ZNF385D: variants seen among roughly 807,000 people sequenced by gnomAD.
ZNF385D encodes the protein zinc finger protein 385D, also known as zinc finger protein 659.
In ZNF385D, 15 loss-of-function variants were observed where a neutral mutation model predicts 35.8. That is an observed-to-expected ratio of 0.42 (90% confidence interval 0.28 to 0.64). The LOEUF is 0.64. Among genes scored for constraint, ZNF385D ranks in the 30% least tolerant of loss-of-function variants. ZNF385D has a pLI of 0.23. For synonymous variants in ZNF385D, 212 were observed against 186.8 expected (o/e 1.13, Z -1.10); for missense variants, 474 against 494.6 (o/e 0.96, Z 0.39).
At chr3:22,168,939 G>C (rs1455659152) in exon 3 of ZNF385D, 1 of 985,822 alleles carries the variant, frequency 1.0e-6, no homozygotes, top group Non-Finnish European at 1.2e-6. Flanking sequence ...ATTGCACAAA[G>C]TAAAGTTGGT....
chr3:21,932,539 C>G (rs995801038), intron 3 of ZNF385D, among the ~76,000 whole-genome samples: 1 of 151,800 alleles, frequency 6.6e-6, no homozygotes, highest in Admixed American at 6.6e-5. Flanking sequence ...TAATCCCTGA[C>G]AAGTATCTGT....
In ZNF385D at chr3:21,412,977, A is replaced by G. The variant is rs1021546084; in HGVS notation, c.*8237T>C. 2 of 151,738 alleles carry G rather than the reference A, an allele frequency of 1.3e-5. No individual in the cohort carries two copies. Among genetic ancestry groups the G allele is most frequent in the African/African-American group, 4.9e-5 (2 of 41,228 alleles). 9.4% of individuals were successfully genotyped at this position (151,738 alleles called of 1,614,324 possible). On this transcript the variant is annotated 3_prime_UTR_variant, in exon 8 of 8. Coordinates refer to ENST00000281523, the MANE Select transcript of ZNF385D (RefSeq NM_024697.3). ...GGGGAGATGTTATCACATGACTTAA[A>G]ACAGAAGACTGGCATAAAACAAACT...
In ZNF385D at chr3:21,745,231, T is replaced by G. The variant is rs78020285; in HGVS notation, c.22+5664A>C. 5.2e-3 allele frequency among the ~76,000 whole-genome samples: 797 copies of G among 152,258 alleles called. 5 individuals carry two copies. The highest frequency in any genetic ancestry group is 8.9e-3 in the Non-Finnish European group (604 of 68,016). The stretch of plus-strand genomic sequence containing the variant: ...TCTGACCTTGGCCAGGTTACTTTTC[T>G]TTTTCCTCTCCACTTACAGAAATGT... On this transcript the variant is annotated intron_variant, in intron 1 of 7. Coordinates refer to ENST00000281523, the MANE Select transcript of ZNF385D (RefSeq NM_024697.3).
intron 3 of ZNF385D, among the ~76,000 whole-genome samples, chr3:21,804,863 CACTATTAT>C (rs200924201): frequency 0.61 from 92,613 of 151,546 alleles, 28,525 homozygotes; most frequent in African/African-American, 0.68. Context: ...TATACTTTAC[CACTATTAT>C]AAGAAAGAAC....
At chr3:22,122,967 T>C (rs74476324) in intron 3 of ZNF385D, among the ~76,000 whole-genome samples, 4,617 of 152,212 alleles carry the variant, frequency 0.03, 244 homozygotes, top group African/African-American at 0.11. Context: ...TAAGATCATA[T>C]AGGGCTTTGG....
rs1694534113 is a variant in ZNF385D at position 22,323,365 on chromosome 3, A to T, written c.106+49085T>A. Among the ~76,000 whole-genome samples, 3 of 152,162 alleles carry T rather than the reference A, an allele frequency of 2.0e-5. No homozygotes were observed. In the South Asian group the frequency reaches 6.2e-4, roughly 31 times the overall value. On this transcript the variant is annotated intron_variant, in intron 2 of 5. Transcript: ENST00000494108. The stretch of plus-strand genomic sequence containing the variant: ...ATGCTAATAAGGCCCCACAAAGTTC[A>T]TGATAGTAAGTAAGTAGATGAGACT...
chr3:21,954,537 G>T (rs1486397), intron 3 of ZNF385D, among the ~76,000 whole-genome samples: 131,059 of 151,974 alleles, frequency 0.86, 56,691 homozygotes, highest in East Asian at 0.98. Flanking sequence ...ATTTACACGG[G>T]ACCCCTAGGC....
chr3:22,261,694 G>A (rs1700640807), intron 2 of ZNF385D, among the ~76,000 whole-genome samples: 1 of 151,908 alleles, frequency 6.6e-6, no homozygotes, highest in South Asian at 2.1e-4. Context: ...GGGATGCGAG[G>A]TGGAAATTTT....
chr3:21,952,331 T>A (rs193088612), intron 3 of ZNF385D, among the ~76,000 whole-genome samples: 372 of 152,132 alleles, frequency 2.4e-3, no homozygotes, highest in Admixed American at 6.2e-3. Context: ...ATTTTCTTGA[T>A]CCTAAGACAC....
At chr3:22,060,909 T>TA (rs1699655111) in intron 3 of ZNF385D, among the ~76,000 whole-genome samples, 1 of 152,040 alleles carries the variant, frequency 6.6e-6, no homozygotes, top group Non-Finnish European at 1.5e-5. Context: ...GAAAAATCTA[T>TA]AAAAAATTTT....
chr3:22,126,625 C>T (rs907326702), intron 3 of ZNF385D, among the ~76,000 whole-genome samples: 5 of 151,856 alleles, frequency 3.3e-5, no homozygotes, highest in Non-Finnish European at 7.4e-5. Flanking sequence ...GAGAATGATC[C>T]GTATTCTGAG....
At chr3:21,845,996 C>T (rs999473655) in intron 3 of ZNF385D, among the ~76,000 whole-genome samples, 4 of 151,996 alleles carry the variant, frequency 2.6e-5, no homozygotes, top group Admixed American at 2.0e-4. Context: ...CTGAGACCTA[C>T]GCTACACTTC....
intron 3 of ZNF385D, among the ~76,000 whole-genome samples, chr3:21,756,742 T>C (rs2070356657): frequency 6.6e-6 from 1 of 152,198 alleles, no homozygotes; most frequent in East Asian, 1.9e-4. Flanking sequence ...TGTGTTGACA[T>C]ATGAATGACA....
At chr3:22,086,176 C>T (rs1446695985) in intron 3 of ZNF385D, among the ~76,000 whole-genome samples, 1 of 152,098 alleles carries the variant, frequency 6.6e-6, no homozygotes, top group Non-Finnish European at 1.5e-5. Context: ...CACTCCTATT[C>T]AACATAGTGT....
chr3:21,663,781 C>T (rs1202925257), intron 2 of ZNF385D, among the ~76,000 whole-genome samples: 2 of 150,374 alleles, frequency 1.3e-5, no homozygotes, highest in African/African-American at 2.4e-5. Context: ...CAAGGACTAG[C>T]ATATAGCTGT....
At chr3:21,994,959 C>A (rs1559830735) in intron 3 of ZNF385D, among the ~76,000 whole-genome samples, 3 of 152,176 alleles carry the variant, frequency 2.0e-5, no homozygotes, top group Admixed American at 1.3e-4. Context: ...AACACTTGAG[C>A]CCTCAGATGG....
At chr3:22,240,468 A>T (rs1230949968) in intron 2 of ZNF385D, among the ~76,000 whole-genome samples, 1 of 150,904 alleles carries the variant, frequency 6.6e-6, no homozygotes, top group Non-Finnish European at 1.5e-5. Flanking sequence ...TTTAGTTGTA[A>T]ACCTGGATCA....
chr3:21,688,370 A>G (rs564821137), intron 1 of ZNF385D, among the ~76,000 whole-genome samples: 2 of 152,294 alleles, frequency 1.3e-5, no homozygotes. Context: ...TTTATTATAA[A>G]TAAAGCTGAC....
chr3:22,272,937 G>A (rs985452412), intron 2 of ZNF385D, among the ~76,000 whole-genome samples: 3 of 151,774 alleles, frequency 2.0e-5, no homozygotes, highest in Non-Finnish European at 2.9e-5. Context: ...AATAAGAGAG[G>A]ACAAAATTAA....
Sources: gnomAD v4.1 joint callset for allele counts (sites outside exome capture counted in the v4.1 genomes callset) on GRCh38, gnomAD v4.1.1 for gene constraint, MANE v1.5 for transcripts, NCBI Gene and HGNC (gene_info 2026-07-23, HGNC 2026-07-21) for gene names.